The following MAN1A1 variants were observed in gnomAD, a reference collection of about 807,000 sequenced individuals.
MAN1A1 encodes mannosidase alpha class 1A member 1.
Under a neutral mutation model 70.8 loss-of-function variants are expected in MAN1A1, and 29 were observed. That is an observed-to-expected ratio of 0.41 (90% CI 0.31 to 0.56). The LOEUF is 0.56. Ranked by LOEUF, MAN1A1 falls within the 20% of genes least tolerant of loss-of-function variation. The pLI is 0.29. For synonymous variants in MAN1A1, 349 were observed against 330.1 expected, an observed-to-expected ratio of 1.06 and a Z score of -0.62; for missense variants, 747 against 841.3, an observed-to-expected ratio of 0.89 and a Z score of 1.39.
At chr6:119,245,897 T>A (rs1049349289) in intron 6 of MAN1A1, among the ~76,000 whole-genome samples, 4 of 152,110 alleles carry the variant, frequency 2.6e-5, no homozygotes, top group Admixed American at 6.6e-5. Flanking sequence ...TGAAGTCTTA[T>A]AAAAAATTTG....
intron 5 of MAN1A1, among the ~76,000 whole-genome samples, chr6:119,266,483 A>AAAGAT (rs1006349323): frequency 1.2e-4 from 19 of 152,286 alleles, no homozygotes; most frequent in African/African-American, 4.3e-4. Flanking sequence ...TAAATGAAGA[A>AAAGAT]AAGATAGCCT....
intron 6 of MAN1A1, among the ~76,000 whole-genome samples, chr6:119,246,621 C>A (rs981964629): frequency 1.3e-5 from 2 of 152,056 alleles, no homozygotes; most frequent in African/African-American, 4.8e-5. Context: ...TAACACTTTT[C>A]TCAGTAGGGA....
At chr6:119,277,592 C>A (rs1248948102) in intron 5 of MAN1A1, among the ~76,000 whole-genome samples, 1 of 151,894 alleles carries the variant, frequency 6.6e-6, no homozygotes, top group African/African-American at 2.4e-5. Context: ...GAGGTAGAGG[C>A]AGGAGGGTAA....
At chr6:119,240,575 C>A (rs1774977233) in intron 6 of MAN1A1, among the ~76,000 whole-genome samples, 1 of 152,112 alleles carries the variant, frequency 6.6e-6, no homozygotes, top group African/African-American at 2.4e-5. Context: ...AACCCATTTA[C>A]CTGAGTGTTA....
intron 5 of MAN1A1, 58 bp downstream of exon 5, chr6:119,290,625 C>A: frequency 1.6e-6 from 2 of 1,232,440 alleles, no homozygotes; most frequent in Non-Finnish European, 2.3e-6. Context: ...CATATTTTAC[C>A]AAAAATGTAG....
intron 2 of MAN1A1, among the ~76,000 whole-genome samples, chr6:119,317,245 T>A (rs1772878692): frequency 6.6e-6 from 1 of 152,136 alleles, no homozygotes; most frequent in South Asian, 2.1e-4. Flanking sequence ...GACACATCAT[T>A]ACCACCCAAA....
At chr6:119,319,839 T>C (rs962776706) in intron 2 of MAN1A1, among the ~76,000 whole-genome samples, 5 of 152,220 alleles carry the variant, frequency 3.3e-5, no homozygotes. Flanking sequence ...AATGGGACTT[T>C]TGTCAAGGTC....
chr6:119,297,735 CTTTTT>C (rs386408421), intron 4 of MAN1A1, among the ~76,000 whole-genome samples: 57 of 95,676 alleles, frequency 6.0e-4, no homozygotes, highest in African/African-American at 6.9e-4. Context: ...AAATAGTTTC[CTTTTT>C]TTTTTTTTTT....
At chr6:119,221,050 G>A (rs1021095999) in intron 6 of MAN1A1, among the ~76,000 whole-genome samples, 3 of 150,884 alleles carry the variant, frequency 2.0e-5, no homozygotes, top group East Asian at 3.9e-4. Context: ...TAATACCCCC[G>A]AAGCAAATTC....
At chr6:119,290,856 A>C in intron 4 of MAN1A1, 93 bp from the exon 5 acceptor site, 1 of 785,292 alleles carries the variant, frequency 1.3e-6, no homozygotes, top group Admixed American at 2.4e-5. Flanking sequence ...ATTTTGTTCA[A>C]ATCTTATGCT....
chr6:119,193,859 A>T lies in MAN1A1; in HGVS notation c.1244T>A (p.Phe415Tyr). ...HVSVGGLGDS[F>Y]YEYLLKAWLM... ...CCAGGCCTTCAGCAAATACTCATAG[A>T]AGCTGTCTCCAAGTCCTCCAACTGA... The change falls in exon 9 of 13, where the codon TTC becomes TAC. Residue 415 changes from phenylalanine (F) to tyrosine (Y), a missense_variant. By Grantham distance (22) the Phe-to-Tyr change is conservative (BLOSUM62 3). Coordinates refer to ENST00000368468, the MANE Select transcript of MAN1A1 (RefSeq NM_005907.4). The T allele has an allele frequency of 6.2e-7, 1 of 1,613,378 alleles. No homozygotes were observed. The highest frequency in any genetic ancestry group is 8.5e-7 in the Non-Finnish European group (1 of 1,179,568).
Position 119,323,884 on chromosome 6 carries a change from G to A in MAN1A1, c.604-16892C>T, listed in dbSNP as rs149345070. Reference sequence around the variant, plus strand: ...CCTACGGGATGAGACGGAGTGAAGAGAGCAAACACATAAGCCTTATATAAT... The same window carrying A: ...CCTACGGGATGAGACGGAGTGAAGAAAGCAAACACATAAGCCTTATATAAT... On this transcript the variant is annotated intron_variant, in intron 2 of 12. Transcript: ENST00000368468. 1.3e-5 allele frequency among the ~76,000 whole-genome samples: 2 copies of A among 152,134 alleles called. 1 individual carries two copies. Among genetic ancestry groups the A allele is most frequent in the Admixed American group, 1.3e-4 (2 of 15,258 alleles).
intron 6 of MAN1A1, among the ~76,000 whole-genome samples, chr6:119,220,475 AT>A (rs1774329497): frequency 1.3e-5 from 2 of 152,212 alleles, no homozygotes; most frequent in South Asian, 4.1e-4. Flanking sequence ...CATATAACCA[AT>A]GTTAAACTTC....
chr6:119,235,954 A>C (rs977402571), intron 6 of MAN1A1, among the ~76,000 whole-genome samples: 2 of 152,084 alleles, frequency 1.3e-5, no homozygotes, highest in Non-Finnish European at 2.9e-5. Context: ...CCTGGCCAAC[A>C]TGGCAAAACC....
chr6:119,263,570 T>TAATAA (rs1435262052), intron 5 of MAN1A1, among the ~76,000 whole-genome samples: 1 of 152,092 alleles, frequency 6.6e-6, no homozygotes, highest in Non-Finnish European at 1.5e-5. Context: ...ATTACTTGTG[T>TAATAA]GAAAAAATAA....
At chr6:119,302,481 AAGTGATTCTCCTACC>A (rs1195702949) in intron 3 of MAN1A1, among the ~76,000 whole-genome samples, 1 of 151,916 alleles carries the variant, frequency 6.6e-6, no homozygotes, top group Non-Finnish European at 1.5e-5. Context: ...TCCCGGGTTC[AAGTGATTCTCCTACC>A]TTAGCCTCCT....
rs1001651145 is a variant in MAN1A1, at chr6:119,222,316, T to C, written c.993-17434A>G. Among the ~76,000 whole-genome samples the C allele has an allele frequency of 4.0e-5, 6 of 151,534 alleles. No homozygotes were observed. In the East Asian group the frequency reaches 1.2e-3, roughly 29 times the overall value. On this transcript the variant is annotated intron_variant, in intron 6 of 12. Coordinates refer to ENST00000368468, the MANE Select transcript of MAN1A1 (RefSeq NM_005907.4). ...TTATTATAGTATCTTTCATCTTTTT[T>C]TTTTTAAGGATTTTTTTTTTTTTTT...
chr6:119,220,961 G>A lies in MAN1A1; in HGVS notation c.993-16079C>T, dbSNP rs1161974067. Among the ~76,000 whole-genome samples, 5 of 151,666 alleles carry A rather than the reference G, an allele frequency of 3.3e-5. No homozygotes were observed. The East Asian group carries it at 7.7e-4, about 23-fold the overall frequency. On this transcript the variant is annotated intron_variant, in intron 6 of 12. Transcript: ENST00000368468. The stretch of plus-strand genomic sequence containing the variant: ...ATACTTTTTTCTTTAAAAGTCCCCA[G>A]TGAAAACATGTTATAAAAAGACAAT...
intron 6 of MAN1A1, among the ~76,000 whole-genome samples, chr6:119,211,359 AT>A (rs2114957423): frequency 6.6e-6 from 1 of 152,330 alleles, no homozygotes; most frequent in East Asian, 1.9e-4. Flanking sequence ...TGTGGCCAGT[AT>A]TACTTGCTTC....
Sources: allele counts gnomAD v4.1 joint callset (sites outside exome capture counted in the v4.1 genomes callset), GRCh38; gene constraint gnomAD v4.1.1; transcripts MANE v1.5; gene names NCBI Gene and HGNC (gene_info 2026-07-23, HGNC 2026-07-21).